LDAH: variants seen among roughly 807,000 people sequenced by gnomAD.
LDAH encodes lipid droplet-associated hydrolase.
LDAH carries 26 observed loss-of-function variants against 29.6 expected under a neutral mutation model. That is an observed-to-expected ratio of 0.88 (90% CI 0.64 to 1.22). The LOEUF is 1.22. Ranked by LOEUF, LDAH falls within the 50% of genes most tolerant of loss-of-function variation. LDAH has a pLI of 0.00. For missense variants in LDAH, 344 were observed against 387.3 expected (o/e 0.89, Z 0.94); for synonymous variants, 117 against 133.0 (o/e 0.88, Z 0.83).
At chr2:20,697,163 A>C (rs1358172249) in intron 6 of LDAH, among the ~76,000 whole-genome samples, 1 of 152,062 alleles carries the variant, frequency 6.6e-6, no homozygotes, top group Non-Finnish European at 1.5e-5. Flanking sequence ...ACCAAAATGA[A>C]CCACTTGTTC....
chr2:20,735,780 A>C (rs1666731179), intron 5 of LDAH, among the ~76,000 whole-genome samples: 1 of 152,128 alleles, frequency 6.6e-6, no homozygotes, highest in African/African-American at 2.4e-5. Flanking sequence ...ACTTCTGTTG[A>C]CACCCAAGGG....
chr2:20,782,466 C>T (rs1166738250), intron 3 of LDAH, among the ~76,000 whole-genome samples: 1 of 152,158 alleles, frequency 6.6e-6, no homozygotes, highest in African/African-American at 2.4e-5. Context: ...ATGTATGTCC[C>T]TCAAGGATAT....
intron 1 of LDAH, among the ~76,000 whole-genome samples, 191 bp downstream of exon 1, chr2:20,822,846 C>T (rs1008108820): frequency 6.6e-6 from 1 of 152,206 alleles, no homozygotes; most frequent in Non-Finnish European, 1.5e-5. Flanking sequence ...ACTCAAGGGA[C>T]TCCCAGGCCA....
intron 5 of LDAH, among the ~76,000 whole-genome samples, chr2:20,714,924 C>G (rs1453436446): frequency 6.6e-6 from 1 of 152,066 alleles, no homozygotes; most frequent in Non-Finnish European, 1.5e-5. Flanking sequence ...CAGGACCAGA[C>G]AGATTCATAG....
At chr2:20,783,229 T>C (rs910574615) in intron 3 of LDAH, among the ~76,000 whole-genome samples, 1 of 152,216 alleles carries the variant, frequency 6.6e-6, no homozygotes, top group African/African-American at 2.4e-5. Context: ...GTATGTTTTA[T>C]GGCCCGGAAT....
At chr2:20,697,762 G>T (rs1420397355) in intron 6 of LDAH, among the ~76,000 whole-genome samples, 1 of 152,042 alleles carries the variant, frequency 6.6e-6, no homozygotes, top group East Asian at 1.9e-4. Flanking sequence ...TTGGAGAAGG[G>T]GTTATGTAAA....
Position 20,774,541 on chromosome 2 carries a change from T to G in LDAH, c.468+269A>C, listed in dbSNP as rs576051508. On this transcript the variant is annotated intron_variant, in intron 4 of 6. Coordinates refer to ENST00000237822, the MANE Select transcript of LDAH (RefSeq NM_021925.4). ...TCTTTATAAAAAACAGCAAGTAATG[T>G]GTAACATAAGAACTCCGATAACCCT... Among the ~76,000 whole-genome samples, 15 of 152,340 alleles carry G rather than the reference T, an allele frequency of 9.8e-5. No homozygotes were observed. The East Asian group carries it at 2.9e-3, about 29-fold the overall frequency.
Position 20,685,256 on chromosome 2 carries a change from T to A in LDAH, c.*1647A>T, listed in dbSNP as rs958249156. 1 of 484,834 alleles carries A rather than the reference T, an allele frequency of 2.1e-6. No homozygotes were observed. The allele number at this position is 484,834 out of a possible 1,614,324, so 30.0% of individuals were successfully genotyped here. On this transcript the variant is annotated 3_prime_UTR_variant, in exon 7 of 7. Transcript: ENST00000237822. ...ATGTTACTCTTTATTCTGGTAGGTA[T>A]GATTTACCCAGTATTGTTTACATGC... is the stretch of plus-strand genomic sequence containing the variant.
chr2:20,799,623 T>C (rs1171539968), intron 2 of LDAH, among the ~76,000 whole-genome samples: 3 of 152,142 alleles, frequency 2.0e-5, no homozygotes, highest in African/African-American at 7.2e-5. Flanking sequence ...CTTACACCTT[T>C]CATCTAACTT....
At chr2:20,720,930 T>C (rs996651996) in intron 5 of LDAH, among the ~76,000 whole-genome samples, 2 of 152,176 alleles carry the variant, frequency 1.3e-5, no homozygotes, top group African/African-American at 4.8e-5. Flanking sequence ...GATATCCATA[T>C]GCAGAAGAAT....
chr2:20,759,488 T>C (rs1267727657), intron 4 of LDAH, among the ~76,000 whole-genome samples: 1 of 152,214 alleles, frequency 6.6e-6, no homozygotes, highest in Non-Finnish European at 1.5e-5. Context: ...AGGAAATTTT[T>C]TGTGGCCTAC....
chr2:20,735,843 C>T (rs1477276496), intron 5 of LDAH, among the ~76,000 whole-genome samples: 1 of 152,094 alleles, frequency 6.6e-6, no homozygotes, highest in Non-Finnish European at 1.5e-5. Flanking sequence ...TGACTCTGTA[C>T]TAGGCTTCCA....
At chr2:20,711,263 C>A (rs1664737099) in intron 5 of LDAH, among the ~76,000 whole-genome samples, 1 of 151,970 alleles carries the variant, frequency 6.6e-6, no homozygotes, top group Admixed American at 6.6e-5. Flanking sequence ...TGGTGGGCGC[C>A]TGTAGTCCCA....
chr2:20,791,640 C>T (rs1364955685), intron 2 of LDAH, among the ~76,000 whole-genome samples: 1 of 152,074 alleles, frequency 6.6e-6, no homozygotes. Flanking sequence ...GTTTATTGGC[C>T]ACTGTATAGC....
intron 6 of LDAH, among the ~76,000 whole-genome samples, chr2:20,687,916 T>C (rs930140292): frequency 2.6e-5 from 4 of 152,354 alleles, no homozygotes; most frequent in African/African-American, 9.6e-5. Flanking sequence ...AACTAAATCT[T>C]AAGGATCCTT....
chr2:20,699,727 A>G (rs191808214), intron 6 of LDAH, among the ~76,000 whole-genome samples: 60 of 152,308 alleles, frequency 3.9e-4, no homozygotes, highest in African/African-American at 1.4e-3. Context: ...GTGTGTTAAT[A>G]CTAACCTTGA....
chr2:20,813,174 C>A (rs887584302), intron 1 of LDAH, among the ~76,000 whole-genome samples: 1 of 152,048 alleles, frequency 6.6e-6, no homozygotes, highest in African/African-American at 2.4e-5. Context: ...AATTTTTTAA[C>A]CTTTTGCATC....
intron 3 of LDAH, among the ~76,000 whole-genome samples, chr2:20,785,460 C>T (rs1670482291): frequency 6.6e-6 from 1 of 152,200 alleles, no homozygotes; most frequent in Non-Finnish European, 1.5e-5. Context: ...TTTTCCTCTG[C>T]CTATTTTCAA....
At chr2:20,747,356 T>C (rs966846562) in intron 4 of LDAH, among the ~76,000 whole-genome samples, 5 of 152,080 alleles carry the variant, frequency 3.3e-5, no homozygotes, top group Non-Finnish European at 5.9e-5. Context: ...CCAATGTATT[T>C]ATGGCAGGGT....
Sources: gnomAD v4.1 joint callset for allele counts (sites outside exome capture counted in the v4.1 genomes callset) on GRCh38, gnomAD v4.1.1 for gene constraint, MANE v1.5 for transcripts, NCBI Gene and HGNC (gene_info 2026-07-23, HGNC 2026-07-21) for gene names.